The following ALCAM variants were observed in gnomAD, a reference collection of about 807,000 sequenced individuals.
ALCAM encodes the protein activated leukocyte cell adhesion molecule, also known as CD166 antigen.
A neutral mutation model predicts 70.9 loss-of-function variants in ALCAM; 30 were observed. The ratio of observed to expected loss-of-function variants is 0.42; its 90% CI spans 0.32 to 0.57. The LOEUF (loss-of-function observed/expected upper bound fraction) is 0.57, where lower values mean the gene tolerates loss of function less well. ALCAM is among the 20% of genes least tolerant of loss of function. The pLI is 0.11. For synonymous variants in ALCAM, 249 were observed against 242.5 expected, an observed-to-expected ratio of 1.03 and a Z score of -0.25; for missense variants, 591 against 695.1, an observed-to-expected ratio of 0.85 and a Z score of 1.68.
chr3:105,415,668 C>A (rs975019468), intron 1 of ALCAM, among the ~76,000 whole-genome samples: 8 of 151,942 alleles, frequency 5.3e-5, no homozygotes, highest in Non-Finnish European at 7.4e-5. Flanking sequence ...ATATATTTTT[C>A]CTAAAATATT....
At chr3:105,403,712 G>A (rs1169860325) in intron 1 of ALCAM, among the ~76,000 whole-genome samples, 1 of 151,826 alleles carries the variant, frequency 6.6e-6, no homozygotes, top group African/African-American at 2.4e-5. Context: ...CAGCTCACCA[G>A]CAATGGATCC....
intron 1 of ALCAM, among the ~76,000 whole-genome samples, chr3:105,499,340 A>G (rs1454044958): frequency 1.3e-5 from 2 of 152,214 alleles, no homozygotes; most frequent in Non-Finnish European, 2.9e-5. Flanking sequence ...CAAAAGATCA[A>G]ACTAGAATGT....
rs1393691221 is a variant in ALCAM, at chr3:105,574,481, A to G, written c.*30A>G. On this transcript the variant is annotated 3_prime_UTR_variant, in exon 16 of 16. Transcript: ENST00000306107. ...ATTATTTTTTTTTCATTTCAGAGAT[A>G]AAAATCATATAGACCAATTGAAGCA... 6.6e-6 allele frequency: 1 copy of G among 152,346 alleles called. No homozygotes were observed. The highest frequency in any genetic ancestry group is 2.4e-5 in the African/African-American group (1 of 41,404). 9.4% of individuals were successfully genotyped at this position (152,346 alleles called of 1,614,324 possible).
intron 1 of ALCAM, among the ~76,000 whole-genome samples, chr3:105,471,489 C>T (rs1328376912): frequency 1.3e-5 from 2 of 150,960 alleles, no homozygotes; most frequent in Non-Finnish European, 3.0e-5. Flanking sequence ...GTAAATACGA[C>T]TTCATTTTAG....
chr3:105,371,717 T>C (rs1250408550), intron 1 of ALCAM, among the ~76,000 whole-genome samples: 1 of 152,130 alleles, frequency 6.6e-6, no homozygotes, highest in African/African-American at 2.4e-5. Flanking sequence ...TGGCCATTTA[T>C]TTAGCATAAA....
At chr3:105,381,158 A>G (rs1311637420) in intron 1 of ALCAM, among the ~76,000 whole-genome samples, 1 of 151,988 alleles carries the variant, frequency 6.6e-6, no homozygotes, top group Non-Finnish European at 1.5e-5. Flanking sequence ...AAAGTTCATT[A>G]AACAGTGTGG....
intron 1 of ALCAM, among the ~76,000 whole-genome samples, chr3:105,378,828 T>C (rs1191599118): frequency 6.6e-6 from 1 of 151,926 alleles, no homozygotes; most frequent in South Asian, 2.1e-4. Context: ...TTTCAGGGTA[T>C]GGTTTGGAGG....
intron 1 of ALCAM, among the ~76,000 whole-genome samples, chr3:105,371,777 C>T (rs780125172): frequency 6.6e-6 from 1 of 152,122 alleles, no homozygotes; most frequent in Non-Finnish European, 1.5e-5. Context: ...CAAGTAGACA[C>T]ATGCAATTTA....
At chr3:105,497,075 G>T (rs1285279812) in intron 1 of ALCAM, among the ~76,000 whole-genome samples, 1 of 151,760 alleles carries the variant, frequency 6.6e-6, no homozygotes, top group Non-Finnish European at 1.5e-5. Context: ...AAAGTTTATG[G>T]TACCCTTAAG....
chr3:105,418,751 G>A (rs1936571059), intron 1 of ALCAM, among the ~76,000 whole-genome samples: 1 of 151,536 alleles, frequency 6.6e-6, no homozygotes, highest in Non-Finnish European at 1.5e-5. Flanking sequence ...AAAATATAGA[G>A]CAAAAGCAGT....
chr3:105,544,622 A>G (rs1487615119), intron 8 of ALCAM: 2 of 156,040 alleles, frequency 1.3e-5, no homozygotes, highest in Non-Finnish European at 2.8e-5. Context: ...GTAGCTGTAC[A>G]ATAAATACTT....
At chr3:105,368,263 G>A (rs953231671) in intron 1 of ALCAM, among the ~76,000 whole-genome samples, 17 of 143,446 alleles carry the variant, frequency 1.2e-4, no homozygotes, top group African/African-American at 3.7e-4. Context: ...GAGAGAGAGA[G>A]AAAAGGCAAA....
At chr3:105,393,308 TA>T (rs533931489) in intron 1 of ALCAM, among the ~76,000 whole-genome samples, 138 of 148,584 alleles carry the variant, frequency 9.3e-4, no homozygotes, top group African/African-American at 2.5e-3. Flanking sequence ...GGATATCTAC[TA>T]AAAAAAAAAT....
intron 15 of ALCAM, among the ~76,000 whole-genome samples, chr3:105,573,919 T>C (rs1213027912): frequency 6.6e-6 from 1 of 152,196 alleles, no homozygotes; most frequent in Non-Finnish European, 1.5e-5. Flanking sequence ...AAGACTTGGT[T>C]TTTAAAATCT....
At chr3:105,421,875 G>A (rs1210974273) in intron 1 of ALCAM, among the ~76,000 whole-genome samples, 1 of 151,118 alleles carries the variant, frequency 6.6e-6, no homozygotes, top group Non-Finnish European at 1.5e-5. Flanking sequence ...TGGGGTACAA[G>A]TTTTCTTTTT....
chr3:105,499,071 A>G (rs1269356852), intron 1 of ALCAM, among the ~76,000 whole-genome samples: 1 of 152,180 alleles, frequency 6.6e-6, no homozygotes, highest in Admixed American at 6.5e-5. Context: ...GAATGACAAC[A>G]AATTACAATA....
chr3:105,418,759 AGTGATT>A (rs2107410964), intron 1 of ALCAM, among the ~76,000 whole-genome samples: 1 of 151,902 alleles, frequency 6.6e-6, no homozygotes, highest in South Asian at 2.1e-4. Flanking sequence ...GAGCAAAAGC[AGTGATT>A]GATACTATAG....
intron 1 of ALCAM, among the ~76,000 whole-genome samples, chr3:105,427,699 A>C (rs966630030): frequency 6.6e-6 from 1 of 151,812 alleles, no homozygotes; most frequent in Non-Finnish European, 1.5e-5. Flanking sequence ...TTGTAGGTAG[A>C]GTTTGGGTGT....
At chr3:105,386,626 C>T (rs1935662502) in intron 1 of ALCAM, among the ~76,000 whole-genome samples, 1 of 151,170 alleles carries the variant, frequency 6.6e-6, no homozygotes, top group African/African-American at 2.4e-5. Flanking sequence ...TGCTTCCTGA[C>T]AGTCTAGACT....
Sources: allele counts gnomAD v4.1 joint callset (sites outside exome capture counted in the v4.1 genomes callset), GRCh38; gene constraint gnomAD v4.1.1; transcripts MANE v1.5; gene names NCBI Gene and HGNC (gene_info 2026-07-23, HGNC 2026-07-21).